The following SGCZ variants were observed in gnomAD, a reference collection of about 807,000 sequenced individuals.
The protein encoded by SGCZ is sarcoglycan zeta.
In SGCZ, 40 loss-of-function variants were observed where a neutral mutation model predicts 41.3. The observed-to-expected ratio is 0.97, with a 90% CI of 0.75 to 1.26. The LOEUF is 1.26. SGCZ is among the 50% of genes most tolerant of loss of function. The pLI is 0.00. For missense variants in SGCZ, 552 were observed against 369.8 expected, an observed-to-expected ratio of 1.49 and a Z score of -4.04; for synonymous variants, 206 against 137.5, an observed-to-expected ratio of 1.50 and a Z score of -3.49.
At chr8:14,354,876 T>G (rs1803237746) in intron 2 of SGCZ, among the ~76,000 whole-genome samples, 1 of 151,894 alleles carries the variant, frequency 6.6e-6, no homozygotes, top group South Asian at 2.1e-4. Context: ...TTATATAAAT[T>G]TATAATATAT....
intron 1 of SGCZ, among the ~76,000 whole-genome samples, chr8:14,847,125 GAAA>G (rs1472546868): frequency 3.2e-5 from 2 of 61,754 alleles, no homozygotes; most frequent in Non-Finnish European, 7.1e-5. Flanking sequence ...AGAAGAAGAA[GAAA>G]GAAGAAGAAG....
intron 2 of SGCZ, among the ~76,000 whole-genome samples, chr8:14,545,120 C>T (rs1212171841): frequency 6.6e-6 from 1 of 152,040 alleles, no homozygotes; most frequent in Non-Finnish European, 1.5e-5. Context: ...CCGGCTGACA[C>T]TTATGGAAAA....
At chr8:14,453,235 G>A (rs77841810) in intron 2 of SGCZ, among the ~76,000 whole-genome samples, 6,306 of 151,880 alleles carry the variant, frequency 0.042, 413 homozygotes, top group African/African-American at 0.14. Context: ...TTTTCTATTC[G>A]TCTTCATTGT....
chr8:14,633,067 C>T (rs1235337565), intron 1 of SGCZ, among the ~76,000 whole-genome samples: 1 of 151,872 alleles, frequency 6.6e-6, no homozygotes, highest in Non-Finnish European at 1.5e-5. Context: ...TCTATTTATA[C>T]CTGTCTTGTA....
intron 1 of SGCZ, among the ~76,000 whole-genome samples, chr8:14,779,136 G>C (rs1232880302): frequency 2.0e-5 from 3 of 152,088 alleles, no homozygotes; most frequent in African/African-American, 4.8e-5. Context: ...TTGTCTTTTG[G>C]TCTCCATGCC....
intron 1 of SGCZ, among the ~76,000 whole-genome samples, chr8:15,070,556 C>G (rs116865778): frequency 1.3e-5 from 2 of 152,044 alleles, no homozygotes; most frequent in Non-Finnish European, 2.9e-5. Flanking sequence ...AAGAATGTAA[C>G]GAGTAAGAAT....
At position 14,648,001 on chromosome 8, in the gene SGCZ, A is replaced by G. The variant is rs533539545; in HGVS notation, c.40-93075T>C. Among the ~76,000 whole-genome samples the G allele has an allele frequency of 7.0e-4, 106 of 152,068 alleles. 1 individual carries two copies. Among genetic ancestry groups the G allele is most frequent in the South Asian group, 6.4e-3 (31 of 4,816 alleles). On this transcript the variant is annotated intron_variant, in intron 1 of 7. Coordinates refer to ENST00000382080, the MANE Select transcript of SGCZ (RefSeq NM_139167.4). Reference sequence around the variant, plus strand: ...CACACCTGGAGTGGATTCTGCAAAGAGGAGCCCTCATTTCCCAGAGGGAGG... The same window carrying G: ...CACACCTGGAGTGGATTCTGCAAAGGGGAGCCCTCATTTCCCAGAGGGAGG...
chr8:14,219,923 C>G (rs923354474), intron 4 of SGCZ, among the ~76,000 whole-genome samples: 1 of 152,118 alleles, frequency 6.6e-6, no homozygotes, highest in Non-Finnish European at 1.5e-5. Context: ...CTTTGAATCC[C>G]TAAGCACAGA....
At chr8:14,121,919 A>G (rs1202017376) in intron 5 of SGCZ, among the ~76,000 whole-genome samples, 1 of 152,220 alleles carries the variant, frequency 6.6e-6, no homozygotes, top group African/African-American at 2.4e-5. Flanking sequence ...ATACATTGAT[A>G]CATAAATAGC....
At chr8:14,107,783 T>C (rs543271058) in intron 6 of SGCZ, among the ~76,000 whole-genome samples, 4 of 152,014 alleles carry the variant, frequency 2.6e-5, no homozygotes, top group Non-Finnish European at 5.9e-5. Flanking sequence ...GGACTACACA[T>C]GTGCACCACC....
intron 2 of SGCZ, among the ~76,000 whole-genome samples, chr8:14,450,109 A>T (rs1800548619): frequency 6.6e-6 from 1 of 152,180 alleles, no homozygotes; most frequent in African/African-American, 2.4e-5. Context: ...GAAAACAAAA[A>T]TCTGCCAATC....
At chr8:14,508,575 T>G (rs1443928951) in intron 2 of SGCZ, among the ~76,000 whole-genome samples, 3 of 152,080 alleles carry the variant, frequency 2.0e-5, no homozygotes. Flanking sequence ...TCCATATCAA[T>G]GGGGAAAATG....
chr8:14,425,344 G>A (rs750600190), intron 2 of SGCZ, among the ~76,000 whole-genome samples: 2 of 152,116 alleles, frequency 1.3e-5, no homozygotes, highest in Non-Finnish European at 2.9e-5. Flanking sequence ...ATCTTGGATG[G>A]TCGTGATGGC....
chr8:14,822,207 A>G (rs1208481754), intron 1 of SGCZ, among the ~76,000 whole-genome samples: 2 of 152,132 alleles, frequency 1.3e-5, no homozygotes, highest in Non-Finnish European at 2.9e-5. Context: ...TAAGCCTATG[A>G]AGAAGAAATC....
Position 14,237,574 on chromosome 8 carries a change from T to G in SGCZ, c.424+18A>C. 2.5e-6 allele frequency: 4 copies of G among 1,609,922 alleles called. No homozygotes were observed. Among genetic ancestry groups the G allele is most frequent in the Non-Finnish European group, 3.4e-6 (4 of 1,177,834 alleles). ...AAACCAAGCACAGTAGGAGCAATCT[T>G]TACCCCAAAACACTCACCTATGGTC... On this transcript the variant is annotated intron_variant, in intron 4 of 7. Coordinates refer to ENST00000382080, the MANE Select transcript of SGCZ (RefSeq NM_139167.4).
At chr8:15,006,842 A>C (rs1295884999) in intron 1 of SGCZ, among the ~76,000 whole-genome samples, 1 of 152,200 alleles carries the variant, frequency 6.6e-6, no homozygotes, top group African/African-American at 2.4e-5. Flanking sequence ...CCATACTATC[A>C]GGGGATTTTA....
intron 1 of SGCZ, among the ~76,000 whole-genome samples, chr8:15,096,114 G>A (rs1013669356): frequency 6.6e-6 from 1 of 151,980 alleles, no homozygotes; most frequent in African/African-American, 2.4e-5. Context: ...GTCTTGCCCT[G>A]TACCGCAGGC....
intron 2 of SGCZ, among the ~76,000 whole-genome samples, chr8:14,378,566 C>G (rs556237081): frequency 1.3e-5 from 2 of 152,078 alleles, no homozygotes; most frequent in African/African-American, 4.8e-5. Context: ...CTACAATGAA[C>G]TCAAACAAAT....
intron 1 of SGCZ, among the ~76,000 whole-genome samples, chr8:14,874,552 T>C (rs1469038935): frequency 6.6e-6 from 1 of 152,152 alleles, no homozygotes; most frequent in Non-Finnish European, 1.5e-5. Flanking sequence ...ATTAAAATGA[T>C]TTATATAGAT....
Sources: gnomAD v4.1 joint callset for allele counts (sites outside exome capture counted in the v4.1 genomes callset) on GRCh38, gnomAD v4.1.1 for gene constraint, MANE v1.5 for transcripts, NCBI Gene and HGNC (gene_info 2026-07-23, HGNC 2026-07-21) for gene names.